Variants in GLYR1 observed in about 807,000 individuals in gnomAD.
GLYR1 encodes the protein cytokine-like nuclear factor N-PAC.
GLYR1 carries 21 observed loss-of-function variants against 72.7 expected under a neutral mutation model. That is an observed-to-expected ratio of 0.29 (90% CI 0.20 to 0.42). The LOEUF is 0.42. Ranked by LOEUF, GLYR1 falls within the 10% of genes least tolerant of loss-of-function variation. The pLI is 1.00. For missense variants in GLYR1, 594 were observed against 712.1 expected (o/e 0.83, Z 1.89); for synonymous variants, 392 against 270.2 (o/e 1.45, Z -4.42).
At chr16:4,846,432 C>G (rs13330613) in intron 1 of GLYR1, among the ~76,000 whole-genome samples, 16,325 of 152,292 alleles carry the variant, frequency 0.11, 1,020 homozygotes, top group Admixed American at 0.18. Context: ...GAATACAGAA[C>G]AACACAACTG....
rs539273973 is a variant in GLYR1 at position 4,820,091 on chromosome 16, G to A, written c.806+1289C>T. ...TGGCTCACTGCAACCTCCACCTCCCGGGTTCAAGCGATTCTCCCACCTCAG... is the reference window on the plus strand; with the variant it reads ...TGGCTCACTGCAACCTCCACCTCCCAGGTTCAAGCGATTCTCCCACCTCAG... On this transcript the variant is annotated intron_variant, in intron 9 of 15. Transcript: ENST00000321919. Among the ~76,000 whole-genome samples, 22 of 152,128 alleles carry A rather than the reference G, an allele frequency of 1.4e-4. No homozygotes were observed. The South Asian group carries it at 1.7e-3, about 11-fold the overall frequency.
rs1184800912 is a variant in GLYR1 at position 4,804,108 on chromosome 16, G to C, written c.*1128C>G. 6.6e-6 allele frequency: 1 copy of C among 152,224 alleles called. No homozygotes were observed. The highest frequency in any genetic ancestry group is 1.5e-5 in the Non-Finnish European group (1 of 68,080). 9.4% of individuals were successfully genotyped at this position (152,224 alleles called of 1,614,324 possible). ...GTGAAGACACTCGTTTCCGTATCAAGAGCTGAGCCTAAGAAATGCTCATCG... is the reference window on the plus strand; with the variant it reads ...GTGAAGACACTCGTTTCCGTATCAACAGCTGAGCCTAAGAAATGCTCATCG... On this transcript the variant is annotated 3_prime_UTR_variant, in exon 16 of 16. Coordinates refer to ENST00000321919, the MANE Select transcript of GLYR1 (RefSeq NM_032569.4).
At chr16:4,811,906 C>T in intron 13 of GLYR1, 104 bp from the exon 14 acceptor site, 1 of 1,431,568 alleles carries the variant, frequency 7.0e-7, no homozygotes, top group South Asian at 1.4e-5. Context: ...CAGGGGAGGC[C>T]CCCTTCACCT....
chr16:4,821,275 C>T lies in GLYR1; in HGVS notation c.806+105G>A, dbSNP rs1596338274. 4 of 1,118,610 alleles carry T rather than the reference C, an allele frequency of 3.6e-6. No homozygotes were observed. The East Asian group carries it at 7.1e-5, about 20-fold the overall frequency. 69.3% of individuals were successfully genotyped at this position (1,118,610 alleles called of 1,614,324 possible). On this transcript the variant is annotated intron_variant, in intron 9 of 15. Coordinates refer to ENST00000321919, the MANE Select transcript of GLYR1 (RefSeq NM_032569.4). ...TCCCCCCACCTTTTCCATTCAATGC[C>T]AGCAATGGCTGGGACACAACCCTTA...
chr16:4,832,466 A>T (rs2084862494), intron 4 of GLYR1: 1 of 592,194 alleles, frequency 1.7e-6, no homozygotes, highest in Admixed American at 3.2e-5. Flanking sequence ...CAGTATATGT[A>T]TTTCAGAGGC....
intron 15 of GLYR1, among the ~76,000 whole-genome samples, chr16:4,805,740 G>A (rs1250006459): frequency 1.3e-5 from 2 of 152,144 alleles, no homozygotes; most frequent in Admixed American, 6.5e-5. Context: ...CACTTTAGGA[G>A]GCCAAGGTGG....
At chr16:4,826,198 C>T (rs1294629156) in intron 5 of GLYR1, among the ~76,000 whole-genome samples, 3 of 152,166 alleles carry the variant, frequency 2.0e-5, no homozygotes, top group Non-Finnish European at 4.4e-5. Context: ...CAGGTGTGTG[C>T]CACTACGCCC....
rs761173551 is a variant in GLYR1 at position 4,813,800 on chromosome 16, G to A, written c.1056C>T (p.Arg352=). 2 of 1,613,190 alleles carry A rather than the reference G, an allele frequency of 1.2e-6. No homozygotes were observed. The highest frequency in any genetic ancestry group is 1.7e-6 in the Non-Finnish European group (2 of 1,179,658). The change falls in exon 12 of 16, where the codon CGC becomes CGT. Residue 352 remains arginine (R), a synonymous_variant. Transcript: ENST00000321919. ...ACATGTCCACGTAGCACTTCCCAGGGCGGATCCCTTGCAGCACACCACTGG... is the reference window on the plus strand; with the variant it reads ...ACATGTCCACGTAGCACTTCCCAGGACGGATCCCTTGCAGCACACCACTGG... ...LGPSGVLQGI[R]PGKCYVDMST...
At chr16:4,819,827 A>G (rs2083899416) in intron 9 of GLYR1, among the ~76,000 whole-genome samples, 1 of 152,160 alleles carries the variant, frequency 6.6e-6, no homozygotes, top group Admixed American at 6.6e-5. Context: ...CAACTTTCTC[A>G]CCAAAATAGA....
At chr16:4,832,403 C>CA in intron 4 of GLYR1, 182 bp from the exon 5 acceptor site, 1 of 721,680 alleles carries the variant, frequency 1.4e-6, no homozygotes, top group Non-Finnish European at 2.2e-6. Flanking sequence ...ATATATATAT[C>CA]AAAAGTCACT....
intron 3 of GLYR1, among the ~76,000 whole-genome samples, chr16:4,838,399 T>C (rs1047537303): frequency 1.1e-4 from 17 of 151,750 alleles, no homozygotes; most frequent in Non-Finnish European, 7.4e-5. Context: ...CCCTGTGCAC[T>C]TCCTGAAAGG....
rs1408684849 is a variant in GLYR1, at chr16:4,846,550, T to C, written c.39-340A>G. The stretch of plus-strand genomic sequence containing the variant: ...GTCTGGTTTAATTCAACAGGAGACC[T>C]GCCTGGCTTTGACAAATGCTAATGG... On this transcript the variant is annotated intron_variant, in intron 1 of 15. Transcript: ENST00000321919. 5 of 294,978 alleles carry C rather than the reference T, an allele frequency of 1.7e-5. No homozygotes were observed. In the East Asian group the frequency reaches 2.2e-4, roughly 13 times the overall value. The allele number at this position is 294,978 out of a possible 1,614,324, so 18.3% of individuals were successfully genotyped here.
chr16:4,845,204 T>C (rs750107985), intron 2 of GLYR1, 51 bp from the exon 3 acceptor site: 3 of 1,263,594 alleles, frequency 2.4e-6, no homozygotes, highest in Admixed American at 1.7e-5. Flanking sequence ...AGCAGCCCAC[T>C]TTCTAGTGGC....
At chr16:4,811,569 T>C (rs774201993) in intron 14 of GLYR1, 54 bp downstream of exon 14, 10 of 1,597,908 alleles carry the variant, frequency 6.3e-6, no homozygotes, top group Non-Finnish European at 8.6e-6. Flanking sequence ...CCTGACCTAG[T>C]ACCCTGCTCT....
At chr16:4,819,406 C>T (rs1013729212) in intron 9 of GLYR1, among the ~76,000 whole-genome samples, 5 of 152,082 alleles carry the variant, frequency 3.3e-5, no homozygotes, top group Non-Finnish European at 7.4e-5. Flanking sequence ...CTCCTGGGCT[C>T]AAGTGATCCT....
chr16:4,818,348 G>A (rs1008433391), intron 9 of GLYR1, among the ~76,000 whole-genome samples: 3 of 152,116 alleles, frequency 2.0e-5, no homozygotes, highest in Admixed American at 2.0e-4. Flanking sequence ...AGGCTGCAGT[G>A]TAGTGGTGCA....
chr16:4,825,600 T>C (rs963564156), intron 5 of GLYR1, among the ~76,000 whole-genome samples: 1 of 152,214 alleles, frequency 6.6e-6, no homozygotes, highest in Non-Finnish European at 1.5e-5. Context: ...TCCTATTTTA[T>C]ACATACATTC....
intron 3 of GLYR1, among the ~76,000 whole-genome samples, chr16:4,843,213 C>A (rs949085347): frequency 1.3e-5 from 2 of 152,186 alleles, no homozygotes; most frequent in Non-Finnish European, 2.9e-5. Context: ...GTCACCCATG[C>A]TGGAGTGCAG....
At chr16:4,839,316 C>G (rs2085377315) in intron 3 of GLYR1, 1 of 152,194 alleles carries the variant, frequency 6.6e-6, no homozygotes, top group South Asian at 2.1e-4. Context: ...TGGCCTTGAA[C>G]TCTTAGGCTT....
Sources: gnomAD v4.1 joint callset for allele counts (sites outside exome capture counted in the v4.1 genomes callset) on GRCh38, gnomAD v4.1.1 for gene constraint, MANE v1.5 for transcripts, NCBI Gene and HGNC (gene_info 2026-07-23, HGNC 2026-07-21) for gene names.